Variants in SELENOW observed in about 807,000 individuals in gnomAD.
The protein encoded by SELENOW is selenoprotein W, 1.
Under a neutral mutation model 16.6 loss-of-function variants are expected in SELENOW, and 20 were observed. The ratio of observed to expected loss-of-function variants is 1.21; its 90% CI spans 0.85 to 1.76. The LOEUF (loss-of-function observed/expected upper bound fraction) is 1.76. Ranked by LOEUF, SELENOW falls within the 40% of genes most tolerant of loss-of-function variation. The pLI is 0.00. For missense variants in SELENOW, 124 were observed against 111.0 expected (o/e 1.12, Z -0.53); for synonymous variants, 44 against 46.2 (o/e 0.95, Z 0.19).
intron 5 of SELENOW, among the ~76,000 whole-genome samples, chr19:47,781,832 G>A (rs1178184163): frequency 6.6e-6 from 1 of 150,932 alleles, no homozygotes; most frequent in East Asian, 1.9e-4. Flanking sequence ...GGTCAGAGGT[G>A]TGCAGGATGA....
At position 47,781,147 on chromosome 19, in the gene SELENOW, G is replaced by A; in HGVS notation, c.148G>A (p.Val50Met). Residue 50 changes from valine to methionine, a missense_variant, in exon 4 of 6, where the codon GTG becomes ATG. Physicochemically the swap from Val to Met is conservative, Grantham distance 21. Transcript: ENST00000601048. ...GTPQATGFFE[V>M]MVAGKLIHSK... ...TCCCCAGGCCACCGGGTTCTTTGAA[G>A]TGATGGTAGCCGGGAAGTTGATTCA... 1 of 1,613,916 alleles carries A rather than the reference G, an allele frequency of 6.2e-7. No homozygotes were observed. Among genetic ancestry groups the A allele is most frequent in the Non-Finnish European group, 8.5e-7 (1 of 1,179,868 alleles).
rs571759540 is a variant in SELENOW at position 47,779,185 on chromosome 19, G to A, written c.29+371G>A. The A allele has an allele frequency of 2.9e-4, 71 of 243,938 alleles. No individual in the cohort carries two copies. In the South Asian group the frequency reaches 5.8e-3, roughly 20 times the overall value. The allele number at this position is 243,938 out of a possible 1,614,324, so 15.1% of individuals were successfully genotyped here. A position where few individuals can be genotyped will look rare whatever the true frequency, so the allele number is the denominator to read the frequency against. ...CTCCCCCAATATCCCGAACAGTCGC[G>A]GGGTGGGGACAGTGAGAGCCCAGAA... On this transcript the variant is annotated intron_variant, in intron 1 of 5. Transcript: ENST00000601048.
chr19:47,781,134 C>G lies in SELENOW; in HGVS notation c.135C>G (p.Thr45=). 1 of 1,613,814 alleles carries G rather than the reference C, an allele frequency of 6.2e-7. No homozygotes were observed. The highest frequency in any genetic ancestry group is 8.5e-7 in the Non-Finnish European group (1 of 1,179,832). The stretch of plus-strand genomic sequence containing the variant: ...GCGGCGAGGGAACTCCCCAGGCCAC[C>G]GGGTTCTTTGAAGTGATGGTAGCCG... The part of the protein sequence containing the change: ...DICGEGTPQA[T]GFFEVMVAGK... The change falls in exon 4 of 6, where the codon ACC becomes ACG. Residue 45 remains threonine (T), a synonymous_variant. Transcript: ENST00000601048.
chr19:47,780,488 C>G (rs1967460445), intron 1 of SELENOW: 1 of 573,482 alleles, frequency 1.7e-6, no homozygotes. Context: ...TTCTGTGTGT[C>G]TCTGTGTGTC....
chr19:47,779,943 G>C (rs1330146800), intron 1 of SELENOW: 2 of 279,524 alleles, frequency 7.2e-6, no homozygotes, highest in African/African-American at 4.4e-5. Context: ...CTGGAACCTG[G>C]GTTTGTCGGC....
Position 47,781,164 on chromosome 19 carries a change from G to C in SELENOW, c.165G>C (p.Lys55Asn). 10 of 1,613,858 alleles carry C rather than the reference G, an allele frequency of 6.2e-6. No individual in the cohort carries two copies. The highest frequency in any genetic ancestry group is 8.5e-6 in the Non-Finnish European group (10 of 1,179,826). Reference protein sequence around the residue: ...TGFFEVMVAGKLIHSKKKGDG... With the variant: ...TGFFEVMVAGNLIHSKKKGDG... The stretch of plus-strand genomic sequence containing the variant: ...TCTTTGAAGTGATGGTAGCCGGGAA[G>C]TTGATTCACTCTAAGAAGGTATGTC... The change falls in exon 4 of 6, where the codon AAG becomes AAC. Residue 55 changes from lysine to asparagine, a missense_variant. By Grantham distance (94) the Lys-to-Asn change is moderately conservative. Transcript: ENST00000601048.
At position 47,778,785 on chromosome 19, in the gene SELENOW, C is replaced by G; in HGVS notation, c.-1C>G. The G allele has an allele frequency of 6.2e-7, 1 of 1,605,622 alleles. No individual in the cohort carries two copies. Among genetic ancestry groups the G allele is most frequent in the Non-Finnish European group, 8.5e-7 (1 of 1,176,778 alleles). On this transcript the variant is annotated 5_prime_UTR_variant, in exon 1 of 6. Transcript: ENST00000601048. ...CTCAGCGGATGTGGCAGCCCCGAGC[C>G]ATGGCTCTCGCCGTCCGAGTCGTTT... is the stretch of plus-strand genomic sequence containing the variant.
At chr19:47,780,063 G>C in intron 1 of SELENOW, 1 of 450,758 alleles carries the variant, frequency 2.2e-6, no homozygotes, top group Non-Finnish European at 4.5e-6. Context: ...CTGCTGTGGG[G>C]GTTGGGTGAG....
intron 5 of SELENOW, chr19:47,783,324 C>G (rs990930116): frequency 1.3e-5 from 2 of 152,202 alleles, no homozygotes; most frequent in African/African-American, 4.8e-5. Context: ...CCTCAGCCTC[C>G]CAAGTAGCTG....
chr19:47,778,957 G>T, intron 1 of SELENOW, 143 bp downstream of exon 1: 1 of 747,364 alleles, frequency 1.3e-6, no homozygotes, highest in South Asian at 1.9e-5. Context: ...TGGGGTGGGC[G>T]TACGGAGGGG....
At chr19:47,780,073 G>C in intron 1 of SELENOW, 1 of 454,060 alleles carries the variant, frequency 2.2e-6, no homozygotes, top group Non-Finnish European at 4.4e-6. Flanking sequence ...GGTTGGGTGA[G>C]CCTGTATTTC....
intron 1 of SELENOW, 60 bp downstream of exon 1, chr19:47,778,874 C>T: frequency 3.2e-6 from 5 of 1,545,118 alleles, no homozygotes; most frequent in Non-Finnish European, 3.5e-6. Flanking sequence ...ATTCTCGGAG[C>T]CGGGGTCAGG....
At chr19:47,780,249 G>A (rs1202462284) in intron 1 of SELENOW, 4 of 372,990 alleles carry the variant, frequency 1.1e-5, no homozygotes, top group Non-Finnish European at 2.2e-5. Flanking sequence ...AAATTAGCTG[G>A]GCGTGGTGTA....
rs1372017835 is a variant in SELENOW at position 47,778,710 on chromosome 19, C to T, written c.-76C>T. ...TGCGCAGGTTCCCGCCGCACTCGCG[C>T]AGACCTAGCGCGTCCAGGTGGGAGG... On this transcript the variant is annotated 5_prime_UTR_variant, in exon 1 of 6. Coordinates refer to ENST00000601048, the MANE Select transcript of SELENOW (RefSeq NM_003009.4). 3 of 1,515,344 alleles carry T rather than the reference C, an allele frequency of 2.0e-6. No homozygotes were observed. The highest frequency in any genetic ancestry group is 2.7e-6 in the Non-Finnish European group (3 of 1,122,656). The allele number at this position is 1,515,344 out of a possible 1,614,324, so 93.9% of individuals were successfully genotyped here. A position where few individuals can be genotyped will look rare whatever the true frequency, so the allele number is the denominator to read the frequency against.
chr19:47,784,442 T>G lies in SELENOW; in HGVS notation c.*171T>G, dbSNP rs1355803625. 2 of 152,372 alleles carry G rather than the reference T, an allele frequency of 1.3e-5. No homozygotes were observed. The highest frequency in any genetic ancestry group is 4.8e-5 in the African/African-American group (2 of 41,332). 9.4% of individuals were successfully genotyped at this position (152,372 alleles called of 1,614,324 possible). A position where few individuals can be genotyped will look rare whatever the true frequency, so the allele number is the denominator to read the frequency against. On this transcript the variant is annotated 3_prime_UTR_variant, in exon 6 of 6. Transcript: ENST00000601048. ...CGGTCTTTGCCTCTGAGCGGGAGAGTCTGTGTGTATGTGTCTTCCCCGGAA... is the reference window on the plus strand; with the variant it reads ...CGGTCTTTGCCTCTGAGCGGGAGAGGCTGTGTGTATGTGTCTTCCCCGGAA...
Position 47,778,758 on chromosome 19 carries a change from T to C in SELENOW, c.-28T>C, listed in dbSNP as rs1159632709. On this transcript the variant is annotated 5_prime_UTR_variant, in exon 1 of 6. Transcript: ENST00000601048. Reference sequence around the variant, plus strand: ...AGGTTAGTGTGGCCCGGGCGTCCGCTCCTCAGCGGATGTGGCAGCCCCGAG... The same window carrying C: ...AGGTTAGTGTGGCCCGGGCGTCCGCCCCTCAGCGGATGTGGCAGCCCCGAG... 6.9e-6 allele frequency: 11 copies of C among 1,599,004 alleles called. No individual in the cohort carries two copies. The highest frequency in any genetic ancestry group is 1.7e-5 in the Admixed American group (1 of 57,984).
chr19:47,783,530 G>T (rs2099136249), intron 5 of SELENOW: 1 of 152,194 alleles, frequency 6.6e-6, no homozygotes, highest in Non-Finnish European at 1.5e-5. Flanking sequence ...CTAACCTTCA[G>T]CACCAGTTCC....
chr19:47,780,925 T>C lies in SELENOW; in HGVS notation c.108+8T>C, dbSNP rs1309578178. On this transcript the variant is annotated splice_region_variant and intron_variant, in intron 3 of 5. Coordinates refer to ENST00000601048, the MANE Select transcript of SELENOW (RefSeq NM_003009.4). Reference sequence around the variant, plus strand: ...CCCGGCCGCCTGGACATCGTGAGTCTTGGGATGGGGAGAAAGACTTGAGCA... The same window carrying C: ...CCCGGCCGCCTGGACATCGTGAGTCCTGGGATGGGGAGAAAGACTTGAGCA... 5 of 1,613,204 alleles carry C rather than the reference T, an allele frequency of 3.1e-6. No individual in the cohort carries two copies. The highest frequency in any genetic ancestry group is 1.1e-5 in the South Asian group (1 of 91,024).
rs765762310 is a variant in SELENOW at position 47,781,189 on chromosome 19, C to T, written c.183+7C>T. 8.7e-6 allele frequency: 14 copies of T among 1,613,228 alleles called. No individual in the cohort carries two copies. The highest frequency in any genetic ancestry group is 1.1e-5 in the Non-Finnish European group (13 of 1,179,242). ...GTTGATTCACTCTAAGAAGGTATGT[C>T]TGTCTGTCCGTCCTGCCTGGTTTTG... On this transcript the variant is annotated splice_region_variant and intron_variant, in intron 4 of 5. Coordinates refer to ENST00000601048, the MANE Select transcript of SELENOW (RefSeq NM_003009.4).
Sources: gnomAD v4.1 joint callset for allele counts (sites outside exome capture counted in the v4.1 genomes callset) on GRCh38, gnomAD v4.1.1 for gene constraint, MANE v1.5 for transcripts, NCBI Gene and HGNC (gene_info 2026-07-23, HGNC 2026-07-21) for gene names.